DPP10: variants seen among roughly 807,000 people sequenced by gnomAD.
DPP10 encodes dipeptidyl peptidase like 10.
A neutral mutation model predicts 120.9 loss-of-function variants in DPP10; 33 were observed. The ratio of observed to expected loss-of-function variants is 0.27; its 90% CI spans 0.21 to 0.37. The LOEUF (loss-of-function observed/expected upper bound fraction) is 0.37, where lower values mean the gene tolerates loss of function less well. Among genes scored for constraint, DPP10 ranks in the 10% least tolerant of loss-of-function variants. The pLI, the probability that DPP10 is intolerant of heterozygous loss-of-function variation, is 1.00. For synonymous variants in DPP10, 337 were observed against 326.1 expected (o/e 1.03, Z -0.36); for missense variants, 816 against 942.8 (o/e 0.87, Z 1.76).
At chr2:115,393,892 A>G (rs781726100) in intron 3 of DPP10, among the ~76,000 whole-genome samples, 5 of 152,164 alleles carry the variant, frequency 3.3e-5, no homozygotes, top group Non-Finnish European at 5.9e-5. Flanking sequence ...AATAGCACAT[A>G]TGGAGGTCCA....
intron 1 of DPP10, among the ~76,000 whole-genome samples, chr2:114,769,184 G>A (rs1681021769): frequency 6.6e-6 from 1 of 152,180 alleles, no homozygotes; most frequent in Non-Finnish European, 1.5e-5. Context: ...GCACAGTGGT[G>A]TGGCCGATAA....
chr2:114,731,273 T>C (rs1356660324), intron 1 of DPP10, among the ~76,000 whole-genome samples: 1 of 152,118 alleles, frequency 6.6e-6, no homozygotes, highest in Non-Finnish European at 1.5e-5. Context: ...GATTTAGTTA[T>C]ATGTCATTAA....
intron 5 of DPP10, among the ~76,000 whole-genome samples, chr2:115,543,049 T>C (rs1164067988): frequency 3.9e-5 from 6 of 152,026 alleles, no homozygotes; most frequent in Non-Finnish European, 8.8e-5. Flanking sequence ...TATATTCTAT[T>C]ACTTTTCATC....
At chr2:115,273,558 G>C (rs1343841135) in intron 1 of DPP10, among the ~76,000 whole-genome samples, 1 of 152,224 alleles carries the variant, frequency 6.6e-6, no homozygotes, top group East Asian at 1.9e-4. Context: ...GGATGGTCTC[G>C]ATCTCCTGAC....
Position 115,156,477 on chromosome 2 carries a change from G to A in DPP10, c.61-152762G>A, listed in dbSNP as rs952993242. Among the ~76,000 whole-genome samples, 10 of 152,178 alleles carry A rather than the reference G, an allele frequency of 6.6e-5. 1 individual carries two copies. Among genetic ancestry groups the A allele is most frequent in the African/African-American group, 2.4e-4 (10 of 41,444 alleles). The stretch of plus-strand genomic sequence containing the variant: ...AAAACAAATTGAACATTGTGGAAGT[G>A]TTAAAAAAGATGAAAATCTTTCCTT... On this transcript the variant is annotated intron_variant, in intron 1 of 25. Coordinates refer to ENST00000410059, the MANE Select transcript of DPP10 (RefSeq NM_020868.6).
chr2:114,608,161 T>C (rs367623863), intron 1 of DPP10, among the ~76,000 whole-genome samples: 14 of 152,298 alleles, frequency 9.2e-5, no homozygotes, highest in African/African-American at 2.6e-4. Context: ...GAGTGAGATG[T>C]TGGCCCTTAT....
intron 4 of DPP10, among the ~76,000 whole-genome samples, chr2:115,520,253 GGTTGCAGT>G (rs1301378683): frequency 6.6e-6 from 1 of 152,166 alleles, no homozygotes; most frequent in Non-Finnish European, 1.5e-5. Context: ...GGGAGGCACA[GGTTGCAGT>G]GAGCCAAGAT....
At chr2:114,973,433 G>T (rs952858663) in intron 1 of DPP10, among the ~76,000 whole-genome samples, 1 of 151,648 alleles carries the variant, frequency 6.6e-6, no homozygotes, top group Non-Finnish European at 1.5e-5. Flanking sequence ...AGGACGAGGC[G>T]GGTGGATCAC....
chr2:114,604,369 C>T (rs1692621940), intron 1 of DPP10, among the ~76,000 whole-genome samples: 1 of 152,030 alleles, frequency 6.6e-6, no homozygotes, highest in Admixed American at 6.6e-5. Context: ...CTCATATTAA[C>T]ATAGTCTTAG....
intron 19 of DPP10, among the ~76,000 whole-genome samples, chr2:115,802,183 T>C (rs1217282905): frequency 6.6e-6 from 1 of 152,224 alleles, no homozygotes; most frequent in Non-Finnish European, 1.5e-5. Context: ...TGTCGAGGAA[T>C]TTATCCATTT....
At chr2:114,823,656 A>G (rs1686287888) in intron 1 of DPP10, among the ~76,000 whole-genome samples, 1 of 152,166 alleles carries the variant, frequency 6.6e-6, no homozygotes, top group South Asian at 2.1e-4. Flanking sequence ...ATTCTGGTGA[A>G]CTGGTATGTA....
chr2:115,094,212 C>T (rs965642274), intron 1 of DPP10, among the ~76,000 whole-genome samples: 12 of 152,016 alleles, frequency 7.9e-5, no homozygotes, highest in African/African-American at 2.4e-4. Flanking sequence ...AAATCGAGAA[C>T]GTGTCATTTA....
chr2:114,532,308 C>CAT, intron 1 of DPP10, among the ~76,000 whole-genome samples: 1 of 137,390 alleles, frequency 7.3e-6, no homozygotes, highest in Non-Finnish European at 1.6e-5. Context: ...CACACACACA[C>CAT]ACACACACAG....
At chr2:114,593,993 A>C (rs1691676108) in intron 1 of DPP10, among the ~76,000 whole-genome samples, 1 of 152,112 alleles carries the variant, frequency 6.6e-6, no homozygotes, top group Non-Finnish European at 1.5e-5. Flanking sequence ...TGTGATGGTT[A>C]ATACTGAGTG....
At chr2:115,647,206 C>T (rs180693162) in intron 5 of DPP10, among the ~76,000 whole-genome samples, 179 of 152,190 alleles carry the variant, frequency 1.2e-3, no homozygotes, top group Non-Finnish European at 2.0e-3. Flanking sequence ...GGAAGAAGAC[C>T]GGCTCCCTTT....
chr2:115,246,917 G>T (rs1230019818), intron 1 of DPP10, among the ~76,000 whole-genome samples: 5 of 152,090 alleles, frequency 3.3e-5, no homozygotes, highest in African/African-American at 9.7e-5. Context: ...GTGAGTGAGG[G>T]TGTATTTGCC....
chr2:115,497,683 A>G (rs2076474900), intron 3 of DPP10, among the ~76,000 whole-genome samples: 1 of 152,030 alleles, frequency 6.6e-6, no homozygotes, highest in Non-Finnish European at 1.5e-5. Flanking sequence ...TCATAGAGGG[A>G]ATAGAAGTTA....
intron 2 of DPP10, among the ~76,000 whole-genome samples, chr2:115,319,174 C>T (rs865925921): frequency 1.3e-5 from 2 of 152,076 alleles, no homozygotes; most frequent in Non-Finnish European, 1.5e-5. Flanking sequence ...GTTTTCCTCC[C>T]TTTTCTACTA....
At chr2:114,671,789 G>C (rs575892694) in intron 1 of DPP10, among the ~76,000 whole-genome samples, 1 of 151,880 alleles carries the variant, frequency 6.6e-6, no homozygotes, top group Non-Finnish European at 1.5e-5. Flanking sequence ...GCGTTTATTC[G>C]TACAGAATCC....
Sources: allele counts gnomAD v4.1 joint callset (sites outside exome capture counted in the v4.1 genomes callset), GRCh38; gene constraint gnomAD v4.1.1; transcripts MANE v1.5; gene names NCBI Gene and HGNC (gene_info 2026-07-23, HGNC 2026-07-21).